The following CCDC85A variants were observed in gnomAD, a reference collection of about 807,000 sequenced individuals.
CCDC85A encodes coiled-coil domain-containing protein 85A.
A neutral mutation model predicts 50.2 loss-of-function variants in CCDC85A; 38 were observed. That is an observed-to-expected ratio of 0.76 (90% CI 0.58 to 0.99). CCDC85A has a LOEUF of 0.99. CCDC85A is among the 50% of genes least tolerant of loss of function. CCDC85A has a pLI of 0.00. For missense variants in CCDC85A, 820 were observed against 742.0 expected, an observed-to-expected ratio of 1.11 and a Z score of -1.22; for synonymous variants, 366 against 301.4, an observed-to-expected ratio of 1.21 and a Z score of -2.22.
At chr2:56,262,659 A>G (rs1670269835) in intron 2 of CCDC85A, among the ~76,000 whole-genome samples, 2 of 152,206 alleles carry the variant, frequency 1.3e-5, no homozygotes, top group African/African-American at 4.8e-5. Context: ...TGGCAATTGT[A>G]TTTGTTAGAT....
At chr2:56,337,114 C>G (rs1042478691) in intron 2 of CCDC85A, among the ~76,000 whole-genome samples, 2 of 152,170 alleles carry the variant, frequency 1.3e-5, no homozygotes, top group African/African-American at 4.8e-5. Flanking sequence ...CTCTAAGGTA[C>G]GTAGTACCAG....
chr2:56,249,862 T>C (rs1360683194), intron 2 of CCDC85A, among the ~76,000 whole-genome samples: 2 of 152,192 alleles, frequency 1.3e-5, no homozygotes, highest in African/African-American at 4.8e-5. Context: ...ATAAACTTTC[T>C]GAAGGTTCAG....
intron 2 of CCDC85A, among the ~76,000 whole-genome samples, chr2:56,299,059 A>T (rs1406235489): frequency 6.6e-6 from 1 of 152,158 alleles, no homozygotes; most frequent in African/African-American, 2.4e-5. Context: ...AACAGTGTGG[A>T]AGGCCTGAAT....
In CCDC85A at chr2:56,192,048, T is replaced by C. The variant is rs187838853; in HGVS notation, c.277-429T>C. On this transcript the variant is annotated intron_variant, in intron 1 of 5. Coordinates refer to ENST00000407595, the MANE Select transcript of CCDC85A (RefSeq NM_001080433.2). The surrounding 1 kb of genome is among the most constrained non-coding windows in gnomAD (Gnocchi z 4.7). Reference sequence around the variant, plus strand: ...GGTTGCTCCCTAACTACTGACCAGATGAACTTGGACAAGTGAAGCTTTGTG... The same window carrying C: ...GGTTGCTCCCTAACTACTGACCAGACGAACTTGGACAAGTGAAGCTTTGTG... Among the ~76,000 whole-genome samples the C allele has an allele frequency of 1.8e-3, 269 of 152,334 alleles. 1 individual carries two copies. Among genetic ancestry groups the C allele is most frequent in the African/African-American group, 5.5e-3 (229 of 41,580 alleles).
At chr2:56,297,026 T>C (rs139992891) in intron 2 of CCDC85A, among the ~76,000 whole-genome samples, 198 of 152,314 alleles carry the variant, frequency 1.3e-3, no homozygotes, top group African/African-American at 4.2e-3. Context: ...ATATCGGGGT[T>C]AGTCATTTCA....
At chr2:56,379,807 C>T (rs1413472589) in intron 5 of CCDC85A, 2 of 984,278 alleles carry the variant, frequency 2.0e-6, no homozygotes, top group Non-Finnish European at 2.4e-6. Context: ...TGAACATGAC[C>T]TTAGTGAGAC....
At chr2:56,286,150 T>C (rs186886884) in intron 2 of CCDC85A, among the ~76,000 whole-genome samples, 19 of 152,316 alleles carry the variant, frequency 1.2e-4, no homozygotes, top group African/African-American at 4.6e-4. Context: ...TATGATTTTT[T>C]TCTGTATCTT....
chr2:56,197,788 A>G (rs1266080719), intron 2 of CCDC85A, among the ~76,000 whole-genome samples: 1 of 152,224 alleles, frequency 6.6e-6, no homozygotes, highest in Non-Finnish European at 1.5e-5. Context: ...ATAACATACT[A>G]TCTGGGGATA....
chr2:56,307,643 A>G (rs779249375), intron 2 of CCDC85A, among the ~76,000 whole-genome samples: 2 of 152,214 alleles, frequency 1.3e-5, no homozygotes, highest in African/African-American at 2.4e-5. Flanking sequence ...TAATTCCACA[A>G]AGTATTCTTA....
chr2:56,184,368 C>A lies in CCDC85A; in HGVS notation c.-257C>A, dbSNP rs1675897140. 1 of 491,702 alleles carries A rather than the reference C, an allele frequency of 2.0e-6. No individual in the cohort carries two copies. The highest frequency in any genetic ancestry group is 2.0e-5 in the African/African-American group (1 of 48,962). The allele number at this position is 491,702 out of a possible 1,614,324, so 30.5% of individuals were successfully genotyped here. ...CAGTGCCCCTCACCATGGACTTGCGCGGAGTTGGGACGGGCCTCGGCAGCA... is the reference window on the plus strand; with the variant it reads ...CAGTGCCCCTCACCATGGACTTGCGAGGAGTTGGGACGGGCCTCGGCAGCA... On this transcript the variant is annotated 5_prime_UTR_variant, in exon 1 of 6. Transcript: ENST00000407595.
intron 2 of CCDC85A, among the ~76,000 whole-genome samples, chr2:56,304,559 G>A (rs1457839842): frequency 6.6e-6 from 1 of 152,004 alleles, no homozygotes; most frequent in Non-Finnish European, 1.5e-5. Context: ...ACTGTGGGAC[G>A]GGACCACCCA....
At chr2:56,373,844 G>A (rs539897316) in intron 4 of CCDC85A, among the ~76,000 whole-genome samples, 1 of 152,124 alleles carries the variant, frequency 6.6e-6, no homozygotes, top group Non-Finnish European at 1.5e-5. Flanking sequence ...AAGAGTAGAG[G>A]ACCAGGGTTA....
intron 2 of CCDC85A, among the ~76,000 whole-genome samples, chr2:56,337,312 C>T (rs1375222919): frequency 2.6e-5 from 4 of 152,186 alleles, no homozygotes; most frequent in East Asian, 1.9e-4. Flanking sequence ...ACATCAATAT[C>T]GTTTGCTTCA....
At chr2:56,260,918 G>T (rs1292770301) in intron 2 of CCDC85A, among the ~76,000 whole-genome samples, 1 of 152,122 alleles carries the variant, frequency 6.6e-6, no homozygotes, top group Non-Finnish European at 1.5e-5. Context: ...ATTTCTTATA[G>T]AACTTGCCTT....
At chr2:56,208,265 A>G (rs1023266099) in intron 2 of CCDC85A, among the ~76,000 whole-genome samples, 10 of 152,174 alleles carry the variant, frequency 6.6e-5, no homozygotes, top group Non-Finnish European at 1.3e-4. Flanking sequence ...TATTCAGGAT[A>G]CCAAATTTCA....
intron 3 of CCDC85A, among the ~76,000 whole-genome samples, chr2:56,357,131 C>T (rs752210174): frequency 2.6e-4 from 40 of 151,472 alleles, no homozygotes; most frequent in Non-Finnish European, 5.4e-4. Context: ...AAGAAGGTGT[C>T]TCATGCAGTC....
At chr2:56,235,056 A>G (rs1019815761) in intron 2 of CCDC85A, among the ~76,000 whole-genome samples, 3 of 152,212 alleles carry the variant, frequency 2.0e-5, no homozygotes, top group Admixed American at 1.3e-4. Context: ...TTAAATTTCC[A>G]TGGAGACCTA....
chr2:56,366,407 T>C (rs887962059), intron 3 of CCDC85A, among the ~76,000 whole-genome samples: 1 of 152,206 alleles, frequency 6.6e-6, no homozygotes, highest in Non-Finnish European at 1.5e-5. Flanking sequence ...TCCATATTCT[T>C]GCCAACACAT....
At chr2:56,216,257 G>C (rs972545549) in intron 2 of CCDC85A, among the ~76,000 whole-genome samples, 1 of 151,848 alleles carries the variant, frequency 6.6e-6, no homozygotes, top group African/African-American at 2.4e-5. Context: ...CAGGGTCATA[G>C]CAATGTGTCC....
Sources: allele counts gnomAD v4.1 joint callset (sites outside exome capture counted in the v4.1 genomes callset), GRCh38; gene constraint gnomAD v4.1.1; non-coding constraint Gnocchi (gnomAD v3.1); transcripts MANE v1.5; gene names NCBI Gene and HGNC (gene_info 2026-07-23, HGNC 2026-07-21).